Variants in ANKRD6 observed in about 807,000 individuals in gnomAD.
The protein encoded by ANKRD6 is ankyrin repeat domain 6.
In ANKRD6, 56 loss-of-function variants were observed where a neutral mutation model predicts 82.3. The observed-to-expected ratio is 0.68, with a 90% CI of 0.55 to 0.85. ANKRD6 has a LOEUF of 0.85. Among genes scored for constraint, ANKRD6 ranks in the 40% least tolerant of loss-of-function variants. The pLI is 0.00. For synonymous variants in ANKRD6, 347 were observed against 352.1 expected, an observed-to-expected ratio of 0.99 and a Z score of 0.16; for missense variants, 852 against 907.6, an observed-to-expected ratio of 0.94 and a Z score of 0.79.
chr6:89,473,895 G>A (rs1775755468), intron 1 of ANKRD6, among the ~76,000 whole-genome samples: 1 of 152,044 alleles, frequency 6.6e-6, no homozygotes, highest in South Asian at 2.1e-4. Context: ...CAGGAGACTC[G>A]CTTGAACCCA....
At position 89,452,417 on chromosome 6, in the gene ANKRD6, T is replaced by C. The variant is rs555929263; in HGVS notation, c.-144+19042T>C. Among the ~76,000 whole-genome samples, 8 of 152,342 alleles carry C rather than the reference T, an allele frequency of 5.3e-5. No homozygotes were observed. In the East Asian group the frequency reaches 1.5e-3, roughly 29 times the overall value. On this transcript the variant is annotated intron_variant, in intron 1 of 15. Transcript: ENST00000339746. ...TATTTAAGTGAGGGGGGAAATGTTA[T>C]AATACTAAATCTAGAAGGGAAACCA...
chr6:89,463,438 T>C (rs1774449189), intron 1 of ANKRD6, among the ~76,000 whole-genome samples: 1 of 152,188 alleles, frequency 6.6e-6, no homozygotes, highest in African/African-American at 2.4e-5. Flanking sequence ...TTCCTAAAGA[T>C]GAATTACCAA....
rs559927486 is a variant in ANKRD6 at position 89,578,571 on chromosome 6, C to T, written c.120+11475C>T. Among the ~76,000 whole-genome samples, 137 of 152,306 alleles carry T rather than the reference C, an allele frequency of 9.0e-4. 1 individual carries two copies. Among genetic ancestry groups the T allele is most frequent in the African/African-American group, 3.1e-3 (129 of 41,560 alleles). The stretch of plus-strand genomic sequence containing the variant: ...TTGGCCTCCCAAAGTGCTGGGATCA[C>T]AGGCATGAGCCACCGCATCCAGCCT... On this transcript the variant is annotated intron_variant, in intron 2 of 15. Coordinates refer to ENST00000339746, the MANE Select transcript of ANKRD6 (RefSeq NM_001242809.2).
At chr6:89,454,887 C>G (rs751792921) in intron 1 of ANKRD6, among the ~76,000 whole-genome samples, 2 of 152,192 alleles carry the variant, frequency 1.3e-5, no homozygotes, top group Non-Finnish European at 2.9e-5. Context: ...GTCACCCAGG[C>G]TGATGAGCAG....
intron 2 of ANKRD6, among the ~76,000 whole-genome samples, chr6:89,572,295 G>A (rs1472956202): frequency 1.3e-5 from 2 of 152,210 alleles, no homozygotes; most frequent in Non-Finnish European, 2.9e-5. Context: ...ATACCAAGGA[G>A]TGCAGTTGCT....
rs536602076 is a variant in ANKRD6, at chr6:89,631,062, T to G, written c.*58T>G. ...GAAGATTTCCAGTTTTGCAACTGCA[T>G]AATAGCTATGCCCAAGGAGTCAACT... On this transcript the variant is annotated 3_prime_UTR_variant, in exon 16 of 16. Transcript: ENST00000339746. The G allele has an allele frequency of 2.1e-6, 3 of 1,452,360 alleles. No individual in the cohort carries two copies. The highest frequency in any genetic ancestry group is 1.4e-5 in the African/African-American group (1 of 69,970). The allele number at this position is 1,452,360 out of a possible 1,614,324, so 90.0% of individuals were successfully genotyped here.
chr6:89,557,936 C>G (rs997716485), intron 1 of ANKRD6, among the ~76,000 whole-genome samples: 1 of 152,030 alleles, frequency 6.6e-6, no homozygotes, highest in Non-Finnish European at 1.5e-5. Context: ...TGCAGGAAAA[C>G]AAGCTCAGGG....
chr6:89,598,230 C>A (rs989795748), intron 3 of ANKRD6: 2 of 985,276 alleles, frequency 2.0e-6, no homozygotes, highest in Admixed American at 6.2e-5. Context: ...CAAATTCTTT[C>A]TTGCTTCCTG....
Position 89,495,063 on chromosome 6 carries a change from C to T in ANKRD6, c.-144+61688C>T, listed in dbSNP as rs552701294. ...TCCTGGCTAACACAGTGAAACCCCA[C>T]CTCTACTAAAAATACAAAAAATTAG... On this transcript the variant is annotated intron_variant, in intron 1 of 15. Coordinates refer to ENST00000339746, the MANE Select transcript of ANKRD6 (RefSeq NM_001242809.2). Among the ~76,000 whole-genome samples, 45 of 152,098 alleles carry T rather than the reference C, an allele frequency of 3.0e-4. 1 individual carries two copies. In the South Asian group the frequency reaches 8.9e-3, roughly 30 times the overall value.
chr6:89,555,178 C>G (rs1460639891), intron 1 of ANKRD6, among the ~76,000 whole-genome samples: 1 of 145,744 alleles, frequency 6.9e-6, no homozygotes, highest in Non-Finnish European at 1.5e-5. Flanking sequence ...TCTATCTCAA[C>G]TCTCCCGCTT....
intron 1 of ANKRD6, among the ~76,000 whole-genome samples, chr6:89,447,756 T>C (rs1772276126): frequency 6.6e-6 from 1 of 152,130 alleles, no homozygotes; most frequent in Admixed American, 6.6e-5. Flanking sequence ...TGGTGTGATG[T>C]CGGGTCACTG....
chr6:89,484,071 C>A (rs1243940431), intron 1 of ANKRD6, among the ~76,000 whole-genome samples: 1 of 152,112 alleles, frequency 6.6e-6, no homozygotes, highest in African/African-American at 2.4e-5. Context: ...CCATGCCCTG[C>A]TAATTTTTGT....
intron 7 of ANKRD6, among the ~76,000 whole-genome samples, chr6:89,615,130 A>G (rs1179907): frequency 0.22 from 33,788 of 151,214 alleles, 4,174 homozygotes; most frequent in South Asian, 0.34. Context: ...ACATTGTTTC[A>G]CTTTTCTTTG....
At chr6:89,451,995 A>G (rs1345746644) in intron 1 of ANKRD6, among the ~76,000 whole-genome samples, 1 of 152,150 alleles carries the variant, frequency 6.6e-6, no homozygotes, top group African/African-American at 2.4e-5. Context: ...CCAGGAGTTC[A>G]AAACCAGCCT....
intron 1 of ANKRD6, among the ~76,000 whole-genome samples, chr6:89,546,541 G>A (rs1258198406): frequency 2.0e-5 from 3 of 152,110 alleles, no homozygotes; most frequent in Non-Finnish European, 4.4e-5. Flanking sequence ...TCGGCTCACT[G>A]CAGTCTCCAC....
intron 2 of ANKRD6, among the ~76,000 whole-genome samples, chr6:89,582,691 T>C (rs1419820080): frequency 2.0e-5 from 3 of 150,530 alleles, no homozygotes; most frequent in Non-Finnish European, 4.4e-5. Context: ...CTCTATGAAT[T>C]TGTGATCCAT....
Position 89,567,545 on chromosome 6 carries a change from C to T in ANKRD6, c.120+449C>T, listed in dbSNP as rs530121998. ...CTACAACCTCTATAGGCTTTGATTT[C>T]ATGTGGGTCAGTGAAGATGGGTGGT... On this transcript the variant is annotated intron_variant, in intron 2 of 15. Coordinates refer to ENST00000339746, the MANE Select transcript of ANKRD6 (RefSeq NM_001242809.2). 2.6e-5 allele frequency among the ~76,000 whole-genome samples: 4 copies of T among 152,262 alleles called. No individual in the cohort carries two copies. The South Asian group carries it at 6.2e-4, about 24-fold the overall frequency.
chr6:89,455,815 C>G (rs1005268952), intron 1 of ANKRD6, among the ~76,000 whole-genome samples: 1 of 151,968 alleles, frequency 6.6e-6, no homozygotes, highest in African/African-American at 2.4e-5. Flanking sequence ...CCTGCAGAAC[C>G]GTGAACCAAT....
In ANKRD6 at chr6:89,633,046, A is replaced by G. The variant is rs1400739828; in HGVS notation, c.*2042A>G. On this transcript the variant is annotated 3_prime_UTR_variant, in exon 16 of 16. Coordinates refer to ENST00000339746, the MANE Select transcript of ANKRD6 (RefSeq NM_001242809.2). ...GACCATAGAGTGCTTTGGTGGGAGTATTTTGATTACCTCCTACCCATCAGA... is the reference window on the plus strand; with the variant it reads ...GACCATAGAGTGCTTTGGTGGGAGTGTTTTGATTACCTCCTACCCATCAGA... The G allele has an allele frequency of 6.6e-6, 1 of 152,208 alleles. No individual in the cohort carries two copies. Among genetic ancestry groups the G allele is most frequent in the Non-Finnish European group, 1.5e-5 (1 of 68,030 alleles). The allele number at this position is 152,208 out of a possible 1,614,324, so 9.4% of individuals were successfully genotyped here. A position where few individuals can be genotyped will look rare whatever the true frequency, so the allele number is the denominator to read the frequency against.
Sources: gnomAD v4.1 joint callset for allele counts (sites outside exome capture counted in the v4.1 genomes callset) on GRCh38, gnomAD v4.1.1 for gene constraint, MANE v1.5 for transcripts, NCBI Gene and HGNC (gene_info 2026-07-23, HGNC 2026-07-21) for gene names.